Variants in FAM107B observed in about 807,000 individuals in gnomAD.
FAM107B encodes the protein family with sequence similarity 107 member B, also known as protein FAM107B.
FAM107B carries 21 observed loss-of-function variants against 31.5 expected under a neutral mutation model. The ratio of observed to expected loss-of-function variants is 0.67; its 90% CI spans 0.47 to 0.96. FAM107B has a LOEUF of 0.96. Among genes scored for constraint, FAM107B ranks in the 40% least tolerant of loss-of-function variants. The pLI, the probability that FAM107B is intolerant of heterozygous loss-of-function variation, is 0.00. For synonymous variants in FAM107B, 157 were observed against 141.5 expected (o/e 1.11, Z -0.78); for missense variants, 452 against 377.1 (o/e 1.20, Z -1.64).
At chr10:14,750,581 C>T (rs145231661) in intron 1 of FAM107B, among the ~76,000 whole-genome samples, 3,179 of 152,258 alleles carry the variant, frequency 0.021, 48 homozygotes, top group Non-Finnish European at 0.034. Context: ...CACTGCACTC[C>T]AGCCTGGGCA....
intron 1 of FAM107B, among the ~76,000 whole-genome samples, chr10:14,763,999 T>C (rs1833111801): frequency 6.6e-6 from 1 of 152,230 alleles, no homozygotes; most frequent in Non-Finnish European, 1.5e-5. Flanking sequence ...TGGTCAGGAA[T>C]TCCTGGTGGC....
chr10:14,738,243 A>T (rs765498471), intron 1 of FAM107B, among the ~76,000 whole-genome samples: 3 of 152,238 alleles, frequency 2.0e-5, no homozygotes, highest in Non-Finnish European at 4.4e-5. Flanking sequence ...AGGTTATCTT[A>T]GTCTTAAATG....
chr10:14,646,948 C>T (rs1366288262), intron 2 of FAM107B, among the ~76,000 whole-genome samples: 5 of 152,066 alleles, frequency 3.3e-5, no homozygotes, highest in African/African-American at 1.2e-4. Flanking sequence ...CACCCACCAC[C>T]AGGCCTGGCT....
In FAM107B at chr10:14,704,269, CTG is replaced by C. The variant is rs113899632; in HGVS notation, c.412-36580_412-36579del. Among the ~76,000 whole-genome samples the C allele has an allele frequency of 7.9e-3, 1,174 of 148,210 alleles. 10 individuals carry two copies. The highest frequency in any genetic ancestry group is 0.022 in the African/African-American group (884 of 40,498). On this transcript the variant is annotated intron_variant, in intron 1 of 4. Coordinates refer to ENST00000181796, the MANE Select transcript of FAM107B (RefSeq NM_031453.4). Reference sequence around the variant, plus strand: ...ATTGTAAAGGTTTAGGTAAATTGCTCTGTGTGTGTGTGTGTGTGTGTGTGTGT... The same window carrying C: ...ATTGTAAAGGTTTAGGTAAATTGCTCTGTGTGTGTGTGTGTGTGTGTGTGT...
At chr10:14,714,955 C>T (rs1361394368) in intron 1 of FAM107B, among the ~76,000 whole-genome samples, 1 of 152,084 alleles carries the variant, frequency 6.6e-6, no homozygotes, top group Non-Finnish European at 1.5e-5. Flanking sequence ...CAGCAAGAGA[C>T]CACCAAATAT....
At chr10:14,566,861 C>T (rs1024912135) in intron 2 of FAM107B, among the ~76,000 whole-genome samples, 39 of 152,138 alleles carry the variant, frequency 2.6e-4, no homozygotes, top group Admixed American at 1.5e-3. Context: ...AGGTTTACAT[C>T]GGAGGTGGGG....
chr10:14,704,269 C>CTGTGTGTGTGTGTGTGTGTGTG (rs113899632), intron 1 of FAM107B, among the ~76,000 whole-genome samples: 19 of 148,236 alleles, frequency 1.3e-4, no homozygotes, highest in East Asian at 7.9e-4. Context: ...GTAAATTGCT[C>CTGTGTGTGTGTGTGTGTGTGTG]TGTGTGTGTG....
intron 2 of FAM107B, among the ~76,000 whole-genome samples, chr10:14,658,617 GAAAAC>G (rs1288290961): frequency 6.6e-6 from 1 of 152,214 alleles, no homozygotes; most frequent in East Asian, 1.9e-4. Context: ...GCTGGGGGCA[GAAAAC>G]AAAGAGAAAA....
chr10:14,613,597 T>C (rs1170177292), intron 2 of FAM107B, among the ~76,000 whole-genome samples: 1 of 152,190 alleles, frequency 6.6e-6, no homozygotes, highest in Non-Finnish European at 1.5e-5. Flanking sequence ...TTGCTTTCTC[T>C]GTCATTTCTC....
At chr10:14,548,718 G>A (rs1848953438) in intron 2 of FAM107B, 2 of 939,626 alleles carry the variant, frequency 2.1e-6, no homozygotes, top group Non-Finnish European at 1.3e-6. Flanking sequence ...GACCACTCTA[G>A]CCGCAAAACG....
chr10:14,535,658 G>A (rs1328340792), intron 2 of FAM107B, among the ~76,000 whole-genome samples: 1 of 152,252 alleles, frequency 6.6e-6, no homozygotes, highest in African/African-American at 2.4e-5. Flanking sequence ...GTCGTTCAGA[G>A]TGGGGCAGGA....
intron 2 of FAM107B, among the ~76,000 whole-genome samples, chr10:14,610,868 T>C (rs1048555451): frequency 6.6e-6 from 1 of 152,238 alleles, no homozygotes; most frequent in East Asian, 1.9e-4. Context: ...CTAGAGAGTT[T>C]AAAAATTCAG....
rs184917819 is a variant in FAM107B, at chr10:14,706,851, A to G, written c.412-39160T>C. Among the ~76,000 whole-genome samples the G allele has an allele frequency of 2.0e-3, 309 of 152,268 alleles. 4 individuals carry two copies. The highest frequency in any genetic ancestry group is 0.018 in the East Asian group (93 of 5,176). ...TATACACTTAAAAAATGGTGGCCAGATGCCGTGTCTCACGCCTGGAATCCC... is the reference window on the plus strand; with the variant it reads ...TATACACTTAAAAAATGGTGGCCAGGTGCCGTGTCTCACGCCTGGAATCCC... On this transcript the variant is annotated intron_variant, in intron 1 of 4. Transcript: ENST00000181796.
intron 1 of FAM107B, among the ~76,000 whole-genome samples, chr10:14,732,843 T>C (rs182306743): frequency 1.4e-4 from 21 of 146,998 alleles, no homozygotes; most frequent in African/African-American, 4.9e-4. Flanking sequence ...TATAATACAT[T>C]ATAGAATACA....
chr10:14,743,901 T>C (rs1444064623), intron 1 of FAM107B, among the ~76,000 whole-genome samples: 2 of 152,176 alleles, frequency 1.3e-5, no homozygotes, highest in Non-Finnish European at 2.9e-5. Flanking sequence ...ATGTCAATGG[T>C]AGTTTAATGA....
chr10:14,587,355 CAT>C (rs1158089009), intron 2 of FAM107B, among the ~76,000 whole-genome samples: 1 of 152,172 alleles, frequency 6.6e-6, no homozygotes, highest in Non-Finnish European at 1.5e-5. Flanking sequence ...AATATATTCT[CAT>C]ATATTTATTT....
chr10:14,708,529 G>C (rs1355068724), intron 1 of FAM107B, among the ~76,000 whole-genome samples: 1 of 152,104 alleles, frequency 6.6e-6, no homozygotes, highest in Non-Finnish European at 1.5e-5. Flanking sequence ...GAAACGCCTT[G>C]AGACCAGTGG....
In FAM107B at chr10:14,519,659, G is replaced by A. The variant is rs913828596; in HGVS notation, c.*1531C>T. The A allele has an allele frequency of 6.6e-6, 1 of 151,910 alleles. No individual in the cohort carries two copies. Among genetic ancestry groups the A allele is most frequent in the East Asian group, 1.9e-4 (1 of 5,188 alleles). 9.4% of individuals were successfully genotyped at this position (151,910 alleles called of 1,614,324 possible). ...TTTGTTCCCATTCAGATTGAATATG[G>A]GCCTAATTGTCAACTGCTAACACTA... On this transcript the variant is annotated 3_prime_UTR_variant, in exon 5 of 5. Coordinates refer to ENST00000181796, the MANE Select transcript of FAM107B (RefSeq NM_031453.4).
intron 1 of FAM107B, among the ~76,000 whole-genome samples, chr10:14,675,301 C>T (rs12355941): frequency 0.19 from 28,923 of 151,998 alleles, 2,768 homozygotes; most frequent in Middle Eastern, 0.27. Flanking sequence ...CAAGTGTGCC[C>T]CAGTTTTCCT....
Sources: allele counts gnomAD v4.1 joint callset (sites outside exome capture counted in the v4.1 genomes callset), GRCh38; gene constraint gnomAD v4.1.1; transcripts MANE v1.5; gene names NCBI Gene and HGNC (gene_info 2026-07-23, HGNC 2026-07-21).